The following PCOLCE2 variants were observed in gnomAD, a reference collection of about 807,000 sequenced individuals.
PCOLCE2 encodes procollagen C-endopeptidase enhancer 2.
In PCOLCE2, 42 loss-of-function variants were observed where a neutral mutation model predicts 47.0. The observed-to-expected ratio is 0.89, with a 90% CI of 0.70 to 1.16. The LOEUF (loss-of-function observed/expected upper bound fraction) is 1.16, where lower values mean the gene tolerates loss of function less well. PCOLCE2 is among the 50% of genes most tolerant of loss of function. The pLI is 0.00. For synonymous variants in PCOLCE2, 169 were observed against 191.7 expected, an observed-to-expected ratio of 0.88 and a Z score of 0.98; for missense variants, 500 against 526.1, an observed-to-expected ratio of 0.95 and a Z score of 0.49.
chr3:142,880,153 A>G (rs1213409127), intron 2 of PCOLCE2, among the ~76,000 whole-genome samples: 1 of 151,780 alleles, frequency 6.6e-6, no homozygotes, highest in East Asian at 1.9e-4. Flanking sequence ...TTACATAAAA[A>G]TAATACTAAC....
intron 2 of PCOLCE2, among the ~76,000 whole-genome samples, chr3:142,854,135 C>T (rs1248192704): frequency 6.6e-6 from 1 of 152,156 alleles, no homozygotes; most frequent in African/African-American, 2.4e-5. Context: ...GGGAATGCTC[C>T]TTTGTGTCTG....
intron 2 of PCOLCE2, among the ~76,000 whole-genome samples, chr3:142,885,886 C>CCCT (rs1933710026): frequency 6.6e-6 from 1 of 152,164 alleles, no homozygotes; most frequent in African/African-American, 2.4e-5. Flanking sequence ...TCCCACTGTC[C>CCCT]CCTTGCTCAT....
In PCOLCE2 at chr3:142,882,480, G is replaced by A. The variant is rs554901132; in HGVS notation, c.192+5189C>T. Among the ~76,000 whole-genome samples the A allele has an allele frequency of 6.6e-5, 10 of 152,200 alleles. No homozygotes were observed. In the South Asian group the frequency reaches 2.1e-3, roughly 32 times the overall value. On this transcript the variant is annotated intron_variant, in intron 2 of 8. Coordinates refer to ENST00000295992, the MANE Select transcript of PCOLCE2 (RefSeq NM_013363.4). ...GAATAACTGAAACCTTAAATAATTG[G>A]CTAATTTCAGTACTTTTAAATTATA...
chr3:142,828,966 G>A (rs1260987617), intron 6 of PCOLCE2, among the ~76,000 whole-genome samples: 1 of 152,200 alleles, frequency 6.6e-6, no homozygotes, highest in African/African-American at 2.4e-5. Flanking sequence ...CATGGAAAAT[G>A]TGGGCAATAA....
intron 2 of PCOLCE2, among the ~76,000 whole-genome samples, chr3:142,881,177 T>C (rs770396378): frequency 2.0e-5 from 3 of 152,212 alleles, no homozygotes; most frequent in African/African-American, 4.8e-5. Flanking sequence ...TCTTGGTGAA[T>C]ATTTGATAAA....
chr3:142,856,532 T>C (rs142392323), intron 2 of PCOLCE2, among the ~76,000 whole-genome samples: 44 of 152,222 alleles, frequency 2.9e-4, no homozygotes, highest in African/African-American at 1.0e-3. Context: ...CCCTTCGGCA[T>C]TGGGAGGGTG....
chr3:142,869,956 G>A (rs867822249), intron 2 of PCOLCE2, among the ~76,000 whole-genome samples: 4 of 152,162 alleles, frequency 2.6e-5, no homozygotes, highest in African/African-American at 9.7e-5. Context: ...ATATTTTACA[G>A]AGATTTACTC....
chr3:142,824,239 G>A (rs369534623), intron 6 of PCOLCE2, among the ~76,000 whole-genome samples: 4 of 151,824 alleles, frequency 2.6e-5, no homozygotes, highest in South Asian at 2.1e-4. Context: ...TCTTAAGTAC[G>A]GGTGACGTTG....
intron 8 of PCOLCE2, among the ~76,000 whole-genome samples, chr3:142,819,097 C>T (rs974923821): frequency 7.2e-5 from 11 of 152,182 alleles, no homozygotes; most frequent in Non-Finnish European, 1.2e-4. Flanking sequence ...ATGTATGCTA[C>T]GCAAGCTTCT....
intron 2 of PCOLCE2, among the ~76,000 whole-genome samples, chr3:142,874,603 G>C (rs1298808119): frequency 6.6e-6 from 1 of 152,110 alleles, no homozygotes; most frequent in East Asian, 1.9e-4. Context: ...AGAAATCTTT[G>C]GAAACAAGTT....
At chr3:142,851,419 G>A (rs1385007968) in intron 2 of PCOLCE2, among the ~76,000 whole-genome samples, 2 of 152,126 alleles carry the variant, frequency 1.3e-5, no homozygotes, top group Non-Finnish European at 2.9e-5. Context: ...GGTTTGCCAA[G>A]GGAGGATATG....
chr3:142,818,271 C>T lies in PCOLCE2; in HGVS notation c.*64G>A, dbSNP rs181260421. 169 of 1,420,772 alleles carry T rather than the reference C, an allele frequency of 1.2e-4. 1 individual carries two copies. Among genetic ancestry groups the T allele is most frequent in the Admixed American group, 7.6e-5 (4 of 52,908 alleles). 88.0% of individuals were successfully genotyped at this position (1,420,772 alleles called of 1,614,324 possible). A position where few individuals can be genotyped will look rare whatever the true frequency, so the allele number is the denominator to read the frequency against. On this transcript the variant is annotated 3_prime_UTR_variant, in exon 9 of 9. Coordinates refer to ENST00000295992, the MANE Select transcript of PCOLCE2 (RefSeq NM_013363.4). ...AATTTTATAAGTATTTTTTTTTCTACTGAGAGAACATAGATCTTTCAAAGG... is the reference window on the plus strand; with the variant it reads ...AATTTTATAAGTATTTTTTTTTCTATTGAGAGAACATAGATCTTTCAAAGG...
At chr3:142,833,329 C>T (rs887393481) in intron 5 of PCOLCE2, among the ~76,000 whole-genome samples, 3 of 152,088 alleles carry the variant, frequency 2.0e-5, no homozygotes, top group African/African-American at 7.2e-5. Context: ...GCGGGGATTA[C>T]ATGCACTACC....
chr3:142,886,672 G>A (rs1248354079), intron 2 of PCOLCE2, among the ~76,000 whole-genome samples: 2 of 152,170 alleles, frequency 1.3e-5, no homozygotes, highest in African/African-American at 4.8e-5. Flanking sequence ...TTTACATAAA[G>A]TTGGGCTTCC....
At chr3:142,879,797 G>A (rs369408009) in intron 2 of PCOLCE2, among the ~76,000 whole-genome samples, 626 of 151,210 alleles carry the variant, frequency 4.1e-3, no homozygotes, top group Non-Finnish European at 7.1e-3. Context: ...GTGAAACCCC[G>A]CCTCTACTAA....
chr3:142,822,532 A>G (rs1411526203), intron 7 of PCOLCE2, among the ~76,000 whole-genome samples: 2 of 152,222 alleles, frequency 1.3e-5, no homozygotes, highest in African/African-American at 2.4e-5. Context: ...ATCCTGCGTG[A>G]TAAGTGTTCA....
chr3:142,845,179 C>A (rs1046566050), intron 3 of PCOLCE2, among the ~76,000 whole-genome samples: 1 of 151,984 alleles, frequency 6.6e-6, no homozygotes, highest in Non-Finnish European at 1.5e-5. Flanking sequence ...CTATTTTAAT[C>A]TTTTGGCTTT....
At chr3:142,880,687 G>A (rs750414780) in intron 2 of PCOLCE2, among the ~76,000 whole-genome samples, 2 of 152,186 alleles carry the variant, frequency 1.3e-5, no homozygotes, top group African/African-American at 2.4e-5. Context: ...CTGGAGGATG[G>A]ATTAAGTATG....
intron 6 of PCOLCE2, among the ~76,000 whole-genome samples, chr3:142,824,870 T>G (rs1937056565): frequency 6.6e-6 from 1 of 152,140 alleles, no homozygotes; most frequent in Admixed American, 6.5e-5. Context: ...TCAGGTGATT[T>G]GCCTGTCTCG....
Sources: gnomAD v4.1 joint callset for allele counts (sites outside exome capture counted in the v4.1 genomes callset) on GRCh38, gnomAD v4.1.1 for gene constraint, MANE v1.5 for transcripts, NCBI Gene and HGNC (gene_info 2026-07-23, HGNC 2026-07-21) for gene names.